ATF1: variants seen among roughly 807,000 people sequenced by gnomAD.
The protein encoded by ATF1 is activating transcription factor 1, also known as cyclic AMP-dependent transcription factor ATF-1.
In ATF1, 16 loss-of-function variants were observed where a neutral mutation model predicts 34.7. The observed-to-expected ratio is 0.46, with a 90% CI of 0.31 to 0.70. The LOEUF (loss-of-function observed/expected upper bound fraction) is 0.70, where lower values mean the gene tolerates loss of function less well. Among genes scored for constraint, ATF1 ranks in the 30% least tolerant of loss-of-function variants. The probability of loss-of-function intolerance (pLI) is 0.05; values close to 1 mark genes in which losing one functional copy is unlikely to be tolerated. For synonymous variants in ATF1, 105 were observed against 113.1 expected (o/e 0.93, Z 0.46); for missense variants, 255 against 321.6 (o/e 0.79, Z 1.58).
intron 1 of ATF1, among the ~76,000 whole-genome samples, chr12:50,769,200 G>A (rs1455086021): frequency 1.3e-5 from 2 of 152,122 alleles, no homozygotes; most frequent in Non-Finnish European, 2.9e-5. Flanking sequence ...TTTGGCTAAA[G>A]AGTTAAATAA....
intron 3 of ATF1, 30 bp from the exon 4 acceptor site, chr12:50,809,426 T>A (rs570042867): frequency 2.0e-5 from 29 of 1,478,498 alleles, no homozygotes; most frequent in African/African-American, 3.6e-5. Flanking sequence ...ACATTACCAA[T>A]GTTTAATAGA....
chr12:50,811,482 A>G (rs1941735671), intron 4 of ATF1, among the ~76,000 whole-genome samples: 1 of 151,834 alleles, frequency 6.6e-6, no homozygotes, highest in Non-Finnish European at 1.5e-5. Context: ...TATATATAGA[A>G]TACCTCTTGA....
At chr12:50,809,249 T>G (rs922851024) in intron 3 of ATF1, among the ~76,000 whole-genome samples, 3 of 151,742 alleles carry the variant, frequency 2.0e-5, no homozygotes, top group African/African-American at 7.3e-5. Flanking sequence ...TGGCTCACAC[T>G]TCTGGTCTCA....
intron 2 of ATF1, among the ~76,000 whole-genome samples, chr12:50,795,163 T>C (rs550938928): frequency 6.6e-6 from 1 of 152,356 alleles, no homozygotes; most frequent in Admixed American, 6.5e-5. Context: ...TCGAATGGTC[T>C]GTTCTCAGTC....
intron 2 of ATF1, among the ~76,000 whole-genome samples, chr12:50,780,486 A>G (rs138386001): frequency 0.05 from 7,588 of 151,802 alleles, 650 homozygotes; most frequent in African/African-American, 0.17. Context: ...CTGGGACTAC[A>G]GGCATCTGCC....
At chr12:50,783,125 G>A (rs112254959) in intron 2 of ATF1, among the ~76,000 whole-genome samples, 18 of 152,242 alleles carry the variant, frequency 1.2e-4, no homozygotes, top group African/African-American at 4.3e-4. Flanking sequence ...GATTGTTATT[G>A]TATTTTGAAA....
intron 2 of ATF1, among the ~76,000 whole-genome samples, chr12:50,788,595 G>A (rs546983857): frequency 2.0e-5 from 3 of 151,702 alleles, no homozygotes; most frequent in South Asian, 2.1e-4. Context: ...TGATCCTCCT[G>A]CCTTTGCCTC....
At chr12:50,766,170 G>A (rs1940629944) in intron 1 of ATF1, among the ~76,000 whole-genome samples, 1 of 152,154 alleles carries the variant, frequency 6.6e-6, no homozygotes, top group African/African-American at 2.4e-5. Flanking sequence ...GTCCTGTAAC[G>A]TATTTGTGGT....
intron 2 of ATF1, among the ~76,000 whole-genome samples, chr12:50,795,594 T>G (rs1296561593): frequency 6.6e-6 from 1 of 151,934 alleles, no homozygotes; most frequent in Admixed American, 6.6e-5. Context: ...TGTGCATCAG[T>G]GTAGAAATAG....
intron 1 of ATF1, among the ~76,000 whole-genome samples, chr12:50,778,513 G>A (rs972374222): frequency 9.2e-5 from 14 of 151,706 alleles, no homozygotes; most frequent in East Asian, 3.9e-4. Flanking sequence ...GTGAGCCACC[G>A]CGCCTGGCCA....
intron 2 of ATF1, among the ~76,000 whole-genome samples, chr12:50,795,000 A>G (rs1163074338): frequency 6.6e-6 from 1 of 152,220 alleles, no homozygotes; most frequent in East Asian, 1.9e-4. Context: ...TATAACTTGC[A>G]TATTATATTG....
At chr12:50,810,598 A>C (rs138124735) in intron 4 of ATF1, among the ~76,000 whole-genome samples, 4 of 152,246 alleles carry the variant, frequency 2.6e-5, no homozygotes, top group Non-Finnish European at 5.9e-5. Context: ...TAAGTCTATG[A>C]GTTTTGACAA....
intron 2 of ATF1, among the ~76,000 whole-genome samples, chr12:50,786,856 C>T (rs1476206165): frequency 6.6e-6 from 1 of 152,098 alleles, no homozygotes; most frequent in African/African-American, 2.4e-5. Context: ...AGCAATCTAC[C>T]CCTGGGGGAG....
At chr12:50,781,053 A>G (rs1941050057) in intron 2 of ATF1, among the ~76,000 whole-genome samples, 1 of 152,188 alleles carries the variant, frequency 6.6e-6, no homozygotes, top group African/African-American at 2.4e-5. Context: ...GACTTTAAAT[A>G]TCTTGTCAAG....
chr12:50,793,543 G>A (rs1941346905), intron 2 of ATF1, among the ~76,000 whole-genome samples: 1 of 150,960 alleles, frequency 6.6e-6, no homozygotes, highest in Admixed American at 6.6e-5. Flanking sequence ...TGAGGCAGGA[G>A]AATCGCTTGA....
chr12:50,810,743 T>C (rs1038484373), intron 4 of ATF1, among the ~76,000 whole-genome samples: 3 of 152,174 alleles, frequency 2.0e-5, no homozygotes, highest in Non-Finnish European at 4.4e-5. Flanking sequence ...CCACAAAATA[T>C]ATGTCCCATC....
In ATF1 at chr12:50,819,906, A is replaced by T; in HGVS notation, c.*127A>T. ...AGGCTTTTCCAAATCAAGGATAAAT[A>T]TCTTACGCACGATATCTAGTGACAG... On this transcript the variant is annotated 3_prime_UTR_variant, in exon 7 of 7. Transcript: ENST00000262053. 2.4e-6 allele frequency: 2 copies of T among 833,162 alleles called. No homozygotes were observed. Among genetic ancestry groups the T allele is most frequent in the African/African-American group, 1.8e-5 (1 of 56,812 alleles). The allele number at this position is 833,162 out of a possible 1,614,324, so 51.6% of individuals were successfully genotyped here. A position where few individuals can be genotyped will look rare whatever the true frequency, so the allele number is the denominator to read the frequency against.
chr12:50,815,315 A>T (rs1941821354), intron 6 of ATF1, among the ~76,000 whole-genome samples: 1 of 146,472 alleles, frequency 6.8e-6, no homozygotes, highest in South Asian at 2.2e-4. Context: ...TAGTTAGCCT[A>T]GGCTAATGTT....
chr12:50,779,647 G>A (rs765883133), intron 1 of ATF1, among the ~76,000 whole-genome samples: 45 of 150,618 alleles, frequency 3.0e-4, no homozygotes, highest in African/African-American at 1.0e-3. Context: ...CCTATTTGCC[G>A]TATTTGATCT....
Sources: allele counts gnomAD v4.1 joint callset (sites outside exome capture counted in the v4.1 genomes callset), GRCh38; gene constraint gnomAD v4.1.1; transcripts MANE v1.5; gene names NCBI Gene and HGNC (gene_info 2026-07-23, HGNC 2026-07-21).